The following DCUN1D2 variants were observed in gnomAD, a reference collection of about 807,000 sequenced individuals.
DCUN1D2 encodes defective in cullin neddylation 1 domain containing 2.
In DCUN1D2, 29 loss-of-function variants were observed where a neutral mutation model predicts 30.9. That is an observed-to-expected ratio of 0.94 (90% CI 0.70 to 1.28). DCUN1D2 has a LOEUF of 1.28. Among genes scored for constraint, DCUN1D2 ranks in the 50% most tolerant of loss-of-function variants. DCUN1D2 has a pLI of 0.00. For synonymous variants in DCUN1D2, 121 were observed against 115.3 expected (o/e 1.05, Z -0.32); for missense variants, 325 against 316.9 (o/e 1.03, Z -0.19).
Position 113,459,360 on chromosome 13 carries a change from C to T in DCUN1D2, c.652G>A (p.Asp218Asn). 1 of 1,606,716 alleles carries T rather than the reference C, an allele frequency of 6.2e-7. No individual in the cohort carries two copies. The highest frequency in any genetic ancestry group is 8.5e-7 in the Non-Finnish European group (1 of 1,173,372). The change falls in exon 6 of 7, where the codon GAC becomes AAC. Residue 218 changes from aspartate (D) to asparagine (N), a missense_variant. Coordinates refer to ENST00000478244, the MANE Select transcript of DCUN1D2 (RefSeq NM_001014283.2). Reference sequence around the variant, plus strand: ...TCATCCGCAATCATGTTTCCAAAGTCCAGCAGGAGGTTCCAGGTGTCCCTT... The same window carrying T: ...TCATCCGCAATCATGTTTCCAAAGTTCAGCAGGAGGTTCCAGGTGTCCCTT... The part of the protein sequence containing the change: ...IPRDTWNLLL[D>N]FGNMIADDMS...
chr13:113,483,510 C>CACGCCAAG (rs1463343697), intron 2 of DCUN1D2, among the ~76,000 whole-genome samples: 1 of 152,238 alleles, frequency 6.6e-6, no homozygotes, highest in Non-Finnish European at 1.5e-5. Flanking sequence ...CAGACACAGT[C>CACGCCAAG]ACGCCAAGAC....
At chr13:113,472,139 C>T (rs2044529562) in intron 4 of DCUN1D2, among the ~76,000 whole-genome samples, 1 of 151,326 alleles carries the variant, frequency 6.6e-6, no homozygotes, top group Non-Finnish European at 1.5e-5. Flanking sequence ...ATTGGGCTAA[C>T]ACATCACCAT....
intron 3 of DCUN1D2, among the ~76,000 whole-genome samples, chr13:113,474,776 C>T (rs1343272830): frequency 6.6e-6 from 1 of 152,180 alleles, no homozygotes; most frequent in East Asian, 1.9e-4. Context: ...TGCAGAATGG[C>T]AGTCGCCCTG....
chr13:113,478,884 A>G (rs771688135), intron 3 of DCUN1D2: 47 of 150,442 alleles, frequency 3.1e-4, no homozygotes, highest in Non-Finnish European at 5.6e-4. Context: ...TGTGCCTTTA[A>G]TAAAGTTTTT....
At chr13:113,491,441 C>T (rs377551325), upstream of DCUN1D2, among the ~76,000 whole-genome samples, 41 of 151,028 alleles carry the variant, frequency 2.7e-4, no homozygotes, top group East Asian at 7.7e-3. Context: ...CCCCTCTCTC[C>T]CTCCCCGGGG....
At chr13:113,491,392 C>T (rs1288260214), upstream of DCUN1D2, 1 of 150,690 alleles carries the variant, frequency 6.6e-6, no homozygotes, top group African/African-American at 2.5e-5. Context: ...CTTCCCTTCC[C>T]AAGGGTCCCC....
At chr13:113,473,276 AG>A (rs2044556276) in intron 4 of DCUN1D2, among the ~76,000 whole-genome samples, 2 of 151,972 alleles carry the variant, frequency 1.3e-5, no homozygotes, top group South Asian at 4.2e-4. Flanking sequence ...CTGCCCTCTC[AG>A]GTGATCACTG....
At position 113,483,862 on chromosome 13, in the gene DCUN1D2, C is replaced by A. The variant is rs1379653400; in HGVS notation, c.198G>T (p.Glu66Asp). The change falls in exon 2 of 7, where the codon GAG (glutamate) becomes GAT (aspartate). Residue 66 changes from glutamate (E) to aspartate (D), a missense_variant. By Grantham distance (45) the Glu-to-Asp change is conservative. Coordinates refer to ENST00000478244, the MANE Select transcript of DCUN1D2 (RefSeq NM_001014283.2). ...MRNAVDKKKL[E>D]RLYGRYKDPQ... ...TACCTTTGTACCTGCCGTACAGCCG[C>A]TCCAGCTTCTTCTTGTCCACAGCGT... 3 of 1,612,736 alleles carry A rather than the reference C, an allele frequency of 1.9e-6. No homozygotes were observed. Among genetic ancestry groups the A allele is most frequent in the Non-Finnish European group, 2.5e-6 (3 of 1,180,042 alleles).
intron 4 of DCUN1D2, among the ~76,000 whole-genome samples, chr13:113,464,622 C>G (rs748205968): frequency 1.3e-5 from 2 of 152,246 alleles, no homozygotes; most frequent in African/African-American, 4.8e-5. Flanking sequence ...GCGGGGGACA[C>G]GGCAGCCTCT....
At chr13:113,487,308 C>T (rs188325930) in intron 1 of DCUN1D2, among the ~76,000 whole-genome samples, 5 of 152,172 alleles carry the variant, frequency 3.3e-5, no homozygotes, top group Admixed American at 2.6e-4. Context: ...AAGTGGTCAT[C>T]GTTGCTAGAT....
Position 113,490,218 on chromosome 13 carries a change from C to T in DCUN1D2, c.3+449G>A, listed in dbSNP as rs1039078501. Among the ~76,000 whole-genome samples, 5 of 152,214 alleles carry T rather than the reference C, an allele frequency of 3.3e-5. No individual in the cohort carries two copies. The highest frequency in any genetic ancestry group is 1.2e-4 in the African/African-American group (5 of 41,466). On this transcript the variant is annotated intron_variant, in intron 1 of 6. Transcript: ENST00000478244. The surrounding 1 kb of genome is among the most constrained non-coding windows in gnomAD (Gnocchi z 5.2). Reference sequence around the variant, plus strand: ...CCCCTCCCGGCAGCAGGGCCTCCCCCGCGAATCTGAGCTTCTCGCGGATTC... The same window carrying T: ...CCCCTCCCGGCAGCAGGGCCTCCCCTGCGAATCTGAGCTTCTCGCGGATTC...
At position 113,455,985 on chromosome 13, in the gene DCUN1D2, C is replaced by A; in HGVS notation, c.*2044G>T. On this transcript the variant is annotated 3_prime_UTR_variant, in exon 7 of 7. Coordinates refer to ENST00000478244, the MANE Select transcript of DCUN1D2 (RefSeq NM_001014283.2). ...CCCTTAGAACTTTAAATCTCAAAAA[C>A]AAAAAAGTACTGTGGATCTCCATAG... 2.6e-6 allele frequency: 1 copy of A among 382,790 alleles called. No individual in the cohort carries two copies. Among genetic ancestry groups the A allele is most frequent in the Non-Finnish European group, 4.6e-6 (1 of 217,020 alleles). 23.7% of individuals were successfully genotyped at this position (382,790 alleles called of 1,614,324 possible).
chr13:113,486,220 G>A (rs958552851), intron 1 of DCUN1D2, among the ~76,000 whole-genome samples: 2 of 151,804 alleles, frequency 1.3e-5, no homozygotes, highest in Admixed American at 6.6e-5. Context: ...GGAGCTGGAG[G>A]CCATTTTCCT....
In DCUN1D2 at chr13:113,456,036, TA is replaced by T. The variant is rs1278259009; in HGVS notation, c.*1992del. 1.3e-5 allele frequency: 5 copies of T among 396,544 alleles called. No homozygotes were observed. Among genetic ancestry groups the T allele is most frequent in the African/African-American group, 1.0e-4 (5 of 48,626 alleles). The allele number at this position is 396,544 out of a possible 1,614,324, so 24.6% of individuals were successfully genotyped here. ...TTTATACAGAATTATGTGAATTCTA[TA>T]AACTTTTCTGAACAAAACAATTACA... On this transcript the variant is annotated 3_prime_UTR_variant, in exon 7 of 7. Transcript: ENST00000478244.
At chr13:113,489,435 G>A (rs1299848187) in intron 1 of DCUN1D2, among the ~76,000 whole-genome samples, 1 of 152,152 alleles carries the variant, frequency 6.6e-6, no homozygotes, top group East Asian at 1.9e-4. Flanking sequence ...GCGGTCAGTG[G>A]GATCTTTTCA....
rs1594120989 is a variant in DCUN1D2, at chr13:113,480,763, A to G, written c.221-20T>C. 1 of 1,611,956 alleles carries G rather than the reference A, an allele frequency of 6.2e-7. No homozygotes were observed. The highest frequency in any genetic ancestry group is 8.5e-7 in the Non-Finnish European group (1 of 1,179,142). On this transcript the variant is annotated intron_variant, in intron 2 of 6. Coordinates refer to ENST00000478244, the MANE Select transcript of DCUN1D2 (RefSeq NM_001014283.2). The stretch of plus-strand genomic sequence containing the variant: ...GTGGATCTGTAGTTAATATCAGGGG[A>G]AAAGGAAGTTATACTATTTTGAAAA...
At chr13:113,480,944 T>C (rs1180437582) in intron 2 of DCUN1D2, among the ~76,000 whole-genome samples, 5 of 148,904 alleles carry the variant, frequency 3.4e-5, no homozygotes, top group Non-Finnish European at 7.4e-5. Flanking sequence ...AACGGTCCTA[T>C]TTTTAAAATC....
In DCUN1D2 at chr13:113,461,200, GACC is replaced by G. The variant is rs1215886509; in HGVS notation, c.521-67_521-65del. On this transcript the variant is annotated intron_variant, in intron 4 of 6. Coordinates refer to ENST00000478244, the MANE Select transcript of DCUN1D2 (RefSeq NM_001014283.2). Reference sequence around the variant, plus strand: ...TCTCTTTTTCTACTGCACAAAAAACGACCACTTCTTAGCATGTCAATATTTACT... The same window carrying G: ...TCTCTTTTTCTACTGCACAAAAAACGACTTCTTAGCATGTCAATATTTACT... 8.8e-6 allele frequency: 9 copies of G among 1,019,466 alleles called. 1 individual carries two copies. The South Asian group carries it at 1.1e-4, about 13-fold the overall frequency. The allele number at this position is 1,019,466 out of a possible 1,614,324, so 63.2% of individuals were successfully genotyped here. A position where few individuals can be genotyped will look rare whatever the true frequency, so the allele number is the denominator to read the frequency against.
chr13:113,490,381 GC>G lies in DCUN1D2; in HGVS notation c.3+285del. On this transcript the variant is annotated intron_variant, in intron 1 of 6. Transcript: ENST00000478244. This position sits in a 1 kb window ranked among gnomAD's most constrained non-coding sequence, Gnocchi z 5.2. ...CGGCCTGGGTTCCCGCTCGGCCCCG[GC>G]CCCTGCCCCAAGGCCCCTACAGTTC... 3.3e-6 allele frequency: 1 copy of G among 305,158 alleles called. No homozygotes were observed. The highest frequency in any genetic ancestry group is 8.5e-5 in the South Asian group (1 of 11,700). 18.9% of individuals were successfully genotyped at this position (305,158 alleles called of 1,614,324 possible).
Sources: allele counts gnomAD v4.1 joint callset (sites outside exome capture counted in the v4.1 genomes callset), GRCh38; gene constraint gnomAD v4.1.1; non-coding constraint Gnocchi (gnomAD v3.1); transcripts MANE v1.5; gene names NCBI Gene and HGNC (gene_info 2026-07-23, HGNC 2026-07-21).